The following LPAR1 variants were observed in gnomAD, a reference collection of about 807,000 sequenced individuals.
LPAR1 encodes the protein LPA receptor 1.
A neutral mutation model predicts 23.8 loss-of-function variants in LPAR1; 5 were observed. The ratio of observed to expected loss-of-function variants is 0.21; its 90% CI spans 0.11 to 0.44. LPAR1 has a LOEUF of 0.44. Among genes scored for constraint, LPAR1 ranks in the 20% least tolerant of loss-of-function variants. The pLI is 0.99. For missense variants in LPAR1, 311 were observed against 482.8 expected, an observed-to-expected ratio of 0.64 and a Z score of 3.33; for synonymous variants, 160 against 164.7, an observed-to-expected ratio of 0.97 and a Z score of 0.22.
intron 2 of LPAR1, among the ~76,000 whole-genome samples, chr9:110,978,669 T>C (rs2096608484): frequency 6.6e-6 from 1 of 152,168 alleles, no homozygotes; most frequent in South Asian, 2.1e-4. Context: ...TTCTTTCTTA[T>C]TATCTCTTCC....
chr9:111,027,239 G>A (rs1232741389), intron 2 of LPAR1, among the ~76,000 whole-genome samples: 2 of 152,072 alleles, frequency 1.3e-5, no homozygotes, highest in South Asian at 2.1e-4. Context: ...CAGGTGCGGC[G>A]TTCATGCCTG....
chr9:111,007,240 T>C (rs1294752885), intron 2 of LPAR1, among the ~76,000 whole-genome samples: 4 of 152,188 alleles, frequency 2.6e-5, no homozygotes, highest in African/African-American at 9.7e-5. Flanking sequence ...CTTTTCTTTA[T>C]AAATTACCCA....
chr9:110,930,595 G>C (rs908443850), intron 5 of LPAR1, among the ~76,000 whole-genome samples: 1 of 152,036 alleles, frequency 6.6e-6, no homozygotes, highest in Admixed American at 6.6e-5. Flanking sequence ...TTCATAACCA[G>C]TTTGATGATG....
intron 2 of LPAR1, among the ~76,000 whole-genome samples, chr9:110,995,380 G>A (rs1443895891): frequency 1.3e-5 from 2 of 152,052 alleles, no homozygotes; most frequent in Non-Finnish European, 2.9e-5. Context: ...AGGTGGGGAG[G>A]GGGAAGAAAA....
rs956308835 is a variant in LPAR1 at position 110,873,996 on chromosome 9, T to G, written c.*1425A>C. 6.5e-6 allele frequency: 1 copy of G among 152,770 alleles called. No individual in the cohort carries two copies. The highest frequency in any genetic ancestry group is 1.9e-4 in the East Asian group (1 of 5,188). The allele number at this position is 152,770 out of a possible 1,614,324, so 9.5% of individuals were successfully genotyped here. A position where few individuals can be genotyped will look rare whatever the true frequency, so the allele number is the denominator to read the frequency against. On this transcript the variant is annotated 3_prime_UTR_variant, in exon 6 of 6. Transcript: ENST00000683809. The stretch of plus-strand genomic sequence containing the variant: ...TCTCAACTGAAGTGACCACTGCATT[T>G]CTTTTGTAAAAAGGTCATTTGACTG...
At chr9:110,911,535 C>T (rs1017192769) in intron 5 of LPAR1, among the ~76,000 whole-genome samples, 1 of 150,990 alleles carries the variant, frequency 6.6e-6, no homozygotes, top group Non-Finnish European at 1.5e-5. Context: ...GAGGAAGATC[C>T]TATCTAAAAA....
At chr9:110,896,292 C>A (rs1350653279) in intron 5 of LPAR1, among the ~76,000 whole-genome samples, 1 of 152,136 alleles carries the variant, frequency 6.6e-6, no homozygotes, top group Admixed American at 6.5e-5. Flanking sequence ...CAGACTCCTG[C>A]TATTTATTCA....
intron 4 of LPAR1, among the ~76,000 whole-genome samples, chr9:110,953,654 A>C (rs1320409718): frequency 7.2e-6 from 1 of 138,188 alleles, no homozygotes; most frequent in African/African-American, 2.8e-5. Flanking sequence ...CAAGAGTGAA[A>C]CTTGGTCTCA....
rs2082473865 is a variant in LPAR1 at position 110,886,534 on chromosome 9, A to ACC, written c.794-10813_794-10812insGG. On this transcript the variant is annotated intron_variant, in intron 5 of 5. Coordinates refer to ENST00000683809, the MANE Select transcript of LPAR1 (RefSeq NM_001351411.2). Reference sequence around the variant, plus strand: ...TAAACTTGTAAAACTATATATATACACATATGTATGCATACACATATAACA... The same window carrying ACC: ...TAAACTTGTAAAACTATATATATACACCCATATGTATGCATACACATATAACA... Among the ~76,000 whole-genome samples, 2 of 151,968 alleles carry ACC rather than the reference A, an allele frequency of 1.3e-5. 1 individual carries two copies. Among genetic ancestry groups the ACC allele is most frequent in the South Asian group, 4.1e-4 (2 of 4,826 alleles).
At chr9:110,923,543 G>A (rs1017160371) in intron 5 of LPAR1, among the ~76,000 whole-genome samples, 1 of 152,210 alleles carries the variant, frequency 6.6e-6, no homozygotes, top group African/African-American at 2.4e-5. Context: ...GATAGGCTAA[G>A]CTATGATGTT....
At chr9:110,969,933 T>C (rs1200813398) in intron 4 of LPAR1, among the ~76,000 whole-genome samples, 2 of 152,150 alleles carry the variant, frequency 1.3e-5, no homozygotes, top group African/African-American at 4.8e-5. Flanking sequence ...GAGCAGGGCA[T>C]GTGCAGAAGT....
Position 110,874,803 on chromosome 9 carries a change from C to T in LPAR1, c.*618G>A, listed in dbSNP as rs539735486. The T allele has an allele frequency of 6.6e-6, 1 of 152,558 alleles. No homozygotes were observed. Among genetic ancestry groups the T allele is most frequent in the Non-Finnish European group, 1.5e-5 (1 of 68,024 alleles). The allele number at this position is 152,558 out of a possible 1,614,324, so 9.5% of individuals were successfully genotyped here. ...GGCTTTGAAGTCTAGGTTCTATTTC[C>T]TAGAAGATTTAACATTAGTATCCTT... On this transcript the variant is annotated 3_prime_UTR_variant, in exon 6 of 6. Transcript: ENST00000683809.
intron 2 of LPAR1, among the ~76,000 whole-genome samples, chr9:110,994,802 C>A (rs1246777946): frequency 2.0e-5 from 3 of 152,126 alleles, no homozygotes; most frequent in Non-Finnish European, 4.4e-5. Flanking sequence ...AAGTACATGA[C>A]TACCCCAGAC....
At chr9:111,012,371 G>C (rs1370984494) in intron 2 of LPAR1, among the ~76,000 whole-genome samples, 1 of 152,130 alleles carries the variant, frequency 6.6e-6, no homozygotes, top group Non-Finnish European at 1.5e-5. Context: ...TGGCATTTCT[G>C]ATGACAGTAA....
chr9:110,961,862 A>G (rs901338286), intron 4 of LPAR1, among the ~76,000 whole-genome samples: 6 of 151,928 alleles, frequency 3.9e-5, no homozygotes, highest in African/African-American at 1.5e-4. Flanking sequence ...TGATTCAATT[A>G]CCTCCCACCA....
intron 4 of LPAR1, chr9:110,945,341 G>A (rs1454610639): frequency 6.6e-6 from 1 of 152,080 alleles, no homozygotes; most frequent in African/African-American, 2.4e-5. Context: ...AACATAATGG[G>A]GAAAAATGTA....
rs1490833566 is a variant in LPAR1, at chr9:110,945,987, G to GTAGT, written c.46-3823_46-3820dup. Among the ~76,000 whole-genome samples, 4 of 152,130 alleles carry GTAGT rather than the reference G, an allele frequency of 2.6e-5. No individual in the cohort carries two copies. The East Asian group carries it at 7.7e-4, about 29-fold the overall frequency. Reference sequence around the variant, plus strand: ...TGAAAAGTCCCTTTCTCTATGCAAGGTAGTAGCCACAGGCTCTGAGGATTA... The same window carrying GTAGT: ...TGAAAAGTCCCTTTCTCTATGCAAGGTAGTTAGTAGCCACAGGCTCTGAGGATTA... On this transcript the variant is annotated intron_variant, in intron 4 of 5. Coordinates refer to ENST00000683809, the MANE Select transcript of LPAR1 (RefSeq NM_001351411.2).
intron 2 of LPAR1, among the ~76,000 whole-genome samples, chr9:111,026,484 T>C (rs1435027088): frequency 1.3e-5 from 2 of 152,250 alleles, no homozygotes; most frequent in Non-Finnish European, 2.9e-5. Flanking sequence ...AGAGACAATT[T>C]GACTTCCTCT....
intron 5 of LPAR1, among the ~76,000 whole-genome samples, chr9:110,897,092 A>G (rs1050129102): frequency 6.6e-6 from 1 of 152,088 alleles, no homozygotes; most frequent in Non-Finnish European, 1.5e-5. Flanking sequence ...CTTTAATCAG[A>G]CAGAGAATTT....
Sources: allele counts gnomAD v4.1 joint callset (sites outside exome capture counted in the v4.1 genomes callset), GRCh38; gene constraint gnomAD v4.1.1; transcripts MANE v1.5; gene names NCBI Gene and HGNC (gene_info 2026-07-23, HGNC 2026-07-21).